The following SANBR variants were observed in gnomAD, a reference collection of about 807,000 sequenced individuals.
SANBR encodes the protein SANT and BTB domain regulator of CSR.
A neutral mutation model predicts 101.8 loss-of-function variants in SANBR; 77 were observed. That is an observed-to-expected ratio of 0.76 (90% CI 0.63 to 0.91). SANBR has a LOEUF of 0.91. Ranked by LOEUF, SANBR falls within the 40% of genes least tolerant of loss-of-function variation. The pLI is 0.00. For missense variants in SANBR, 875 were observed against 853.0 expected (o/e 1.03, Z -0.32); for synonymous variants, 279 against 274.7 (o/e 1.02, Z -0.15).
intron 4 of SANBR, among the ~76,000 whole-genome samples, 164 bp from the exon 5 acceptor site, chr2:61,073,294 T>G (rs748818030): frequency 3.3e-5 from 5 of 152,160 alleles, no homozygotes; most frequent in Non-Finnish European, 7.3e-5. Flanking sequence ...CTTCCATATA[T>G]CTTTAGAAAT....
intron 4 of SANBR, among the ~76,000 whole-genome samples, chr2:61,072,063 G>A (rs1681503037): frequency 2.0e-5 from 3 of 151,968 alleles, no homozygotes; most frequent in South Asian, 2.1e-4. Context: ...TCAGCCTCCC[G>A]AGTAGCTGGG....
chr2:61,079,203 G>A (rs979478686), intron 6 of SANBR, among the ~76,000 whole-genome samples: 2 of 151,958 alleles, frequency 1.3e-5, no homozygotes, highest in African/African-American at 4.8e-5. Flanking sequence ...AAACCCTTTA[G>A]GATTCTCAGT....
downstream of SANBR, among the ~76,000 whole-genome samples, chr2:61,127,784 A>G (rs1054823987): frequency 6.6e-6 from 1 of 152,182 alleles, no homozygotes; most frequent in Admixed American, 6.5e-5. Flanking sequence ...CCAAAAGGAG[A>G]GGAGAGAGAG....
intron 3 of SANBR, among the ~76,000 whole-genome samples, chr2:61,071,166 C>T (rs1681444271): frequency 6.6e-6 from 1 of 152,096 alleles, no homozygotes; most frequent in Non-Finnish European, 1.5e-5. Context: ...AGATGTTACT[C>T]TGCAGGTTAA....
intron 3 of SANBR, 49 bp from the exon 4 acceptor site, chr2:61,071,557 A>G (rs1459093307): frequency 7.2e-7 from 1 of 1,383,588 alleles, no homozygotes; most frequent in Non-Finnish European, 9.7e-7. Flanking sequence ...CTCAAAAAAA[A>G]AAAAAAAAAT....
At chr2:61,092,730 G>A in intron 11 of SANBR, 143 bp downstream of exon 11, 2 of 642,744 alleles carry the variant, frequency 3.1e-6, no homozygotes, top group East Asian at 3.3e-5. Flanking sequence ...GCTGGGCATG[G>A]TGGCTCGTGC....
chr2:61,083,711 T>C (rs1682268645), intron 8 of SANBR, among the ~76,000 whole-genome samples: 1 of 151,754 alleles, frequency 6.6e-6, no homozygotes, highest in South Asian at 2.1e-4. Context: ...CTACTAAAAA[T>C]ACAAAAAATT....
At chr2:61,127,990 T>A (rs940861358), downstream of SANBR, among the ~76,000 whole-genome samples, 4 of 152,186 alleles carry the variant, frequency 2.6e-5, no homozygotes, top group Admixed American at 6.5e-5. Context: ...TCCTTACTTA[T>A]GGCCCAGCAC....
chr2:61,104,246 G>T (rs1441634720), intron 13 of SANBR, among the ~76,000 whole-genome samples: 4 of 152,094 alleles, frequency 2.6e-5, no homozygotes, highest in Non-Finnish European at 5.9e-5. Context: ...ACTTTCGGAG[G>T]CCAAGGCGGG....
intron 1 of SANBR, among the ~76,000 whole-genome samples, 186 bp from the exon 2 acceptor site, chr2:61,068,663 A>AT (rs937483953): frequency 3.3e-5 from 5 of 152,188 alleles, no homozygotes; most frequent in African/African-American, 1.2e-4. Context: ...GGCATACTTC[A>AT]TTGGAATGTT....
At chr2:61,125,353 T>C (rs770721867), downstream of SANBR, among the ~76,000 whole-genome samples, 6 of 152,250 alleles carry the variant, frequency 3.9e-5, no homozygotes, top group Admixed American at 6.5e-5. Context: ...TGTGCGTATA[T>C]GTATTTAGTG....
intron 21 of SANBR, among the ~76,000 whole-genome samples, chr2:61,135,018 C>A (rs1358460620): frequency 6.6e-6 from 1 of 152,050 alleles, no homozygotes; most frequent in Non-Finnish European, 1.5e-5. Context: ...GGTGAAACTC[C>A]GTCTCTACTA....
At chr2:61,095,213 A>G (rs1682974968) in intron 11 of SANBR, among the ~76,000 whole-genome samples, 1 of 152,204 alleles carries the variant, frequency 6.6e-6, no homozygotes, top group Non-Finnish European at 1.5e-5. Context: ...CTTGCTTAAC[A>G]TGTCAGAATG....
intron 12 of SANBR, 24 bp downstream of exon 12, chr2:61,097,876 G>A: frequency 1.3e-6 from 2 of 1,593,052 alleles, no homozygotes; most frequent in Middle Eastern, 1.7e-4. Flanking sequence ...ATTGCCCTTA[G>A]TAGCTACAGT....
chr2:61,100,102 G>T (rs1683213380), intron 12 of SANBR, among the ~76,000 whole-genome samples: 1 of 151,984 alleles, frequency 6.6e-6, no homozygotes, highest in Non-Finnish European at 1.5e-5. Context: ...TTAGTGTTTT[G>T]GGGGTTTTTC....
intron 11 of SANBR, chr2:61,093,223 T>G (rs1474309528): frequency 6.6e-6 from 1 of 152,266 alleles, no homozygotes; most frequent in Non-Finnish European, 1.5e-5. Flanking sequence ...TGGTTTCATT[T>G]CTCTTGACAT....
chr2:61,130,375 G>C (rs1481104986), intron 20 of SANBR, among the ~76,000 whole-genome samples: 1 of 152,034 alleles, frequency 6.6e-6, no homozygotes, highest in Non-Finnish European at 1.5e-5. Flanking sequence ...AATATGAATA[G>C]TTCTATAACA....
intron 6 of SANBR, among the ~76,000 whole-genome samples, chr2:61,077,498 G>A (rs532456453): frequency 3.1e-4 from 47 of 151,810 alleles, no homozygotes; most frequent in African/African-American, 1.1e-3. Context: ...TGGTACAAAA[G>A]CAATAGTGGG....
chr2:61,119,213 T>C lies in SANBR; in HGVS notation c.2028+1097T>C, dbSNP rs116483003. On this transcript the variant is annotated intron_variant, in intron 20 of 21. Coordinates refer to ENST00000402291, the MANE Select transcript of SANBR (RefSeq NM_001129993.3). ...ATGACATTATGTATTATCATTAGTA[T>C]TGGTATTATGTAAGTACCATACTCT... Among the ~76,000 whole-genome samples the C allele has an allele frequency of 2.8e-3, 427 of 152,338 alleles. 1 individual carries two copies. The highest frequency in any genetic ancestry group is 8.6e-3 in the African/African-American group (359 of 41,584).
Sources: gnomAD v4.1 joint callset for allele counts (sites outside exome capture counted in the v4.1 genomes callset) on GRCh38, gnomAD v4.1.1 for gene constraint, MANE v1.5 for transcripts, NCBI Gene and HGNC (gene_info 2026-07-23, HGNC 2026-07-21) for gene names.